The following WDR4 variants were observed in gnomAD, a reference collection of about 807,000 sequenced individuals.
WDR4 encodes tRNA (guanine-N(7)-)-methyltransferase non-catalytic subunit WDR4.
In WDR4, 47 loss-of-function variants were observed where a neutral mutation model predicts 48.6. That is an observed-to-expected ratio of 0.97 (90% CI 0.77 to 1.23). WDR4 has a LOEUF of 1.23. WDR4 is among the 50% of genes most tolerant of loss of function. WDR4 has a pLI of 0.00. For missense variants in WDR4, 606 were observed against 551.6 expected (o/e 1.10, Z -0.99); for synonymous variants, 268 against 230.0 (o/e 1.17, Z -1.49).
intron 3 of WDR4, among the ~76,000 whole-genome samples, chr21:42,863,875 G>C (rs2058179053): frequency 2.1e-5 from 3 of 145,290 alleles, no homozygotes; most frequent in Admixed American, 6.7e-5. Flanking sequence ...GGGAGGCCGA[G>C]GTGGGTGGAT....
At chr21:42,850,455 C>T (rs1365779246) in intron 10 of WDR4, among the ~76,000 whole-genome samples, 3 of 152,212 alleles carry the variant, frequency 2.0e-5, no homozygotes, top group Non-Finnish European at 4.4e-5. Context: ...CAGAACGGGG[C>T]AAAGATGAAA....
intron 3 of WDR4, among the ~76,000 whole-genome samples, chr21:42,869,770 G>A (rs1261494338): frequency 2.0e-5 from 3 of 152,192 alleles, no homozygotes; most frequent in Non-Finnish European, 4.4e-5. Context: ...GGCACCCTGG[G>A]AAGCCGATGT....
chr21:42,876,589 T>G (rs2058497319), intron 2 of WDR4, 113 bp downstream of exon 2: 1 of 991,628 alleles, frequency 1.0e-6, no homozygotes, highest in African/African-American at 1.6e-5. Flanking sequence ...TCTGCACCAC[T>G]GTGTGACAGA....
At position 42,862,137 on chromosome 21, in the gene WDR4, G is replaced by A. The variant is rs374278240; in HGVS notation, c.566+145C>T. On this transcript the variant is annotated intron_variant, in intron 5 of 10. Coordinates refer to ENST00000398208, the MANE Select transcript of WDR4 (RefSeq NM_018669.6). This position sits in a 1 kb window ranked among gnomAD's most constrained non-coding sequence, Gnocchi z 4.3. ...GGGCTTCTGCAGGCAGCACCACGGCGCCTGCAGTGACCAAACACCAAGCAC... is the reference window on the plus strand; with the variant it reads ...GGGCTTCTGCAGGCAGCACCACGGCACCTGCAGTGACCAAACACCAAGCAC... The A allele has an allele frequency of 3.2e-4, 213 of 670,968 alleles. No homozygotes were observed. The highest frequency in any genetic ancestry group is 2.1e-3 in the African/African-American group (115 of 55,380). The allele number at this position is 670,968 out of a possible 1,614,324, so 41.6% of individuals were successfully genotyped here. A position where few individuals can be genotyped will look rare whatever the true frequency, so the allele number is the denominator to read the frequency against.
In WDR4 at chr21:42,849,961, C is replaced by T. The variant is rs746955512; in HGVS notation, c.*88G>A. 948 of 1,538,402 alleles carry T rather than the reference C, an allele frequency of 6.2e-4. 1 individual carries two copies. Among genetic ancestry groups the T allele is most frequent in the Middle Eastern group, 4.3e-3 (25 of 5,848 alleles). ...CTGGTCACAACTGATGTCACCTTTT[C>T]CTTCTTGAAGGGACATGCCAGGATG... is the stretch of plus-strand genomic sequence containing the variant. On this transcript the variant is annotated 3_prime_UTR_variant, in exon 11 of 11. Coordinates refer to ENST00000398208, the MANE Select transcript of WDR4 (RefSeq NM_018669.6).
chr21:42,845,232 C>T (rs1362190464), downstream of WDR4, among the ~76,000 whole-genome samples: 1 of 152,204 alleles, frequency 6.6e-6, no homozygotes, highest in Non-Finnish European at 1.5e-5. Context: ...AACCAGAAAC[C>T]AGAAACAACA....
chr21:42,879,705 G>A, upstream of WDR4: 1 of 564,820 alleles, frequency 1.8e-6, no homozygotes, highest in African/African-American at 1.9e-5. Flanking sequence ...TTCGGGTTTG[G>A]CAGTTCACTC....
Position 42,876,822 on chromosome 21 carries a change from A to G in WDR4, c.90-55T>C, listed in dbSNP as rs963247427. Reference sequence around the variant, plus strand: ...GAGTTATCATTAGAGAGAAATAACAAATTTTTTTTTTTTGAGACGGAGTTT... The same window carrying G: ...GAGTTATCATTAGAGAGAAATAACAGATTTTTTTTTTTTGAGACGGAGTTT... On this transcript the variant is annotated intron_variant, in intron 1 of 10. Coordinates refer to ENST00000398208, the MANE Select transcript of WDR4 (RefSeq NM_018669.6). 2.1e-5 allele frequency: 32 copies of G among 1,546,936 alleles called. No individual in the cohort carries two copies. The Admixed American group carries it at 6.0e-4, about 29-fold the overall frequency.
At chr21:42,872,744 T>C (rs959539791) in intron 3 of WDR4, among the ~76,000 whole-genome samples, 7 of 152,250 alleles carry the variant, frequency 4.6e-5, no homozygotes, top group Middle Eastern at 3.4e-3. Flanking sequence ...AGAGCTGGCC[T>C]GGCTAACATG....
At chr21:42,856,790 C>T (rs1349736917) in intron 6 of WDR4, among the ~76,000 whole-genome samples, 1 of 152,108 alleles carries the variant, frequency 6.6e-6, no homozygotes, top group Non-Finnish European at 1.5e-5. Flanking sequence ...TGCACATACA[C>T]ACGCACACAC....
chr21:42,879,592 C>G (rs2058587354), upstream of WDR4: 4 of 1,463,500 alleles, frequency 2.7e-6, no homozygotes, highest in Non-Finnish European at 2.8e-6. Flanking sequence ...CGAGAGATGA[C>G]GTATACCCCA....
chr21:42,860,687 C>A (rs1234528836), intron 5 of WDR4, among the ~76,000 whole-genome samples: 1 of 152,286 alleles, frequency 6.6e-6, no homozygotes, highest in Non-Finnish European at 1.5e-5. Context: ...GTGCAGAGGG[C>A]ACGAGTGGCC....
At chr21:42,854,911 G>A (rs1256537258) in intron 7 of WDR4, among the ~76,000 whole-genome samples, 2 of 152,138 alleles carry the variant, frequency 1.3e-5, no homozygotes, top group African/African-American at 2.4e-5. Flanking sequence ...AAGAGGGAGC[G>A]GAGGACACAG....
chr21:42,854,949 T>C (rs937123548), intron 7 of WDR4, among the ~76,000 whole-genome samples: 1 of 152,012 alleles, frequency 6.6e-6, no homozygotes, highest in African/African-American at 2.4e-5. Context: ...GAGCTACACA[T>C]ACAACTGCCC....
downstream of WDR4, among the ~76,000 whole-genome samples, chr21:42,844,883 C>T (rs1001295850): frequency 1.3e-5 from 2 of 152,220 alleles, no homozygotes; most frequent in Non-Finnish European, 2.9e-5. Context: ...AGGCACACAC[C>T]ACGGAAGCCA....
At chr21:42,858,193 A>G (rs1314908149) in intron 6 of WDR4, among the ~76,000 whole-genome samples, 1 of 152,250 alleles carries the variant, frequency 6.6e-6, no homozygotes, top group Non-Finnish European at 1.5e-5. Context: ...ATCATGTAAG[A>G]AAATGCCCCA....
chr21:42,888,658 G>T, the WDR4 span, among the ~76,000 whole-genome samples: 1 of 148,138 alleles, frequency 6.8e-6, no homozygotes. Flanking sequence ...AAATTTTGAA[G>T]TATTTGAGCT....
upstream of WDR4, chr21:42,879,828 G>A (rs1347833736): frequency 2.4e-6 from 1 of 412,650 alleles, no homozygotes; most frequent in Non-Finnish European, 4.3e-6. Flanking sequence ...GCGGTAGCTG[G>A]AGAGACGTAG....
intron 7 of WDR4, 115 bp downstream of exon 7, chr21:42,855,567 A>G: frequency 1.4e-6 from 1 of 705,230 alleles, no homozygotes; most frequent in Non-Finnish European, 2.3e-6. Flanking sequence ...ACACAGGAGG[A>G]AGTCTGGCAT....
Sources: allele counts gnomAD v4.1 joint callset (sites outside exome capture counted in the v4.1 genomes callset), GRCh38; gene constraint gnomAD v4.1.1; non-coding constraint Gnocchi (gnomAD v3.1); transcripts MANE v1.5; gene names NCBI Gene and HGNC (gene_info 2026-07-23, HGNC 2026-07-21).